Variants in DACH1 observed in about 807,000 individuals in gnomAD.
The protein encoded by DACH1 is dachshund homolog 1.
Under a neutral mutation model 54.2 loss-of-function variants are expected in DACH1, and 12 were observed. The observed-to-expected ratio is 0.22, with a 90% confidence interval of 0.14 to 0.36. The LOEUF (loss-of-function observed/expected upper bound fraction) is 0.36, where lower values mean the gene tolerates loss of function less well. DACH1 is among the 10% of genes least tolerant of loss of function. DACH1 has a pLI of 1.00. For synonymous variants in DACH1, 386 were observed against 366.2 expected (o/e 1.05, Z -0.62); for missense variants, 805 against 929.8 (o/e 0.87, Z 1.75).
Position 71,485,684 on chromosome 13 carries a change from G to C in DACH1, c.1722+3313C>G, listed in dbSNP as rs1203612443. On this transcript the variant is annotated intron_variant, in intron 7 of 10. Transcript: ENST00000613252. The stretch of plus-strand genomic sequence containing the variant: ...TGCAACCTCTGCCTCCCGGGTTCAA[G>C]TGATTCTCCAGCCTCAGCCTCCTGA... 2.1e-5 allele frequency among the ~76,000 whole-genome samples: 3 copies of C among 145,688 alleles called. No homozygotes were observed. In the Admixed American group the frequency reaches 2.1e-4, roughly 10 times the overall value.
chr13:71,774,921 G>A (rs932802831), intron 1 of DACH1, among the ~76,000 whole-genome samples: 2 of 151,790 alleles, frequency 1.3e-5, no homozygotes, highest in East Asian at 1.9e-4. Flanking sequence ...CAAACATATC[G>A]CTAGGCCAAA....
At chr13:71,783,235 T>C (rs1886457666) in intron 1 of DACH1, among the ~76,000 whole-genome samples, 1 of 152,100 alleles carries the variant, frequency 6.6e-6, no homozygotes. Flanking sequence ...TAGTGATGCC[T>C]TCATAAAACA....
intron 1 of DACH1, among the ~76,000 whole-genome samples, chr13:71,818,930 C>T (rs943750413): frequency 2.0e-5 from 3 of 152,270 alleles, no homozygotes; most frequent in East Asian, 3.9e-4. Flanking sequence ...CAGGAAGGGA[C>T]CTGAATCCAT....
intron 1 of DACH1, among the ~76,000 whole-genome samples, chr13:71,779,217 ACGT>A (rs1326559552): frequency 3.2e-5 from 3 of 92,460 alleles, no homozygotes; most frequent in Non-Finnish European, 6.2e-5. Context: ...GTATATATAT[ACGT>A]ATATACGTAT....
At chr13:71,683,363 C>A (rs1594093503) in intron 1 of DACH1, among the ~76,000 whole-genome samples, 1 of 152,106 alleles carries the variant, frequency 6.6e-6, no homozygotes, top group Middle Eastern at 3.4e-3. Flanking sequence ...CATTAGAAGA[C>A]AATTCTGAAG....
intron 1 of DACH1, among the ~76,000 whole-genome samples, chr13:71,703,555 C>A (rs759672242): frequency 2.0e-5 from 3 of 152,128 alleles, no homozygotes; most frequent in African/African-American, 4.8e-5. Flanking sequence ...GCACAAGATG[C>A]GTCATAAATA....
chr13:71,722,656 T>C (rs959906436), intron 1 of DACH1, among the ~76,000 whole-genome samples: 3 of 152,322 alleles, frequency 2.0e-5, no homozygotes, highest in Middle Eastern at 6.8e-3. Context: ...ACAATAGTTC[T>C]AAATATGTTG....
intron 3 of DACH1, among the ~76,000 whole-genome samples, chr13:71,626,781 T>C (rs1231493415): frequency 6.6e-6 from 1 of 151,988 alleles, no homozygotes; most frequent in African/African-American, 2.4e-5. Flanking sequence ...AAATCATAAA[T>C]CTATGGTGAT....
At position 71,489,095 on chromosome 13, in the gene DACH1, G is replaced by C. The variant is rs1311034485; in HGVS notation, c.1624C>G (p.Leu542Val). Residue 542 changes from leucine (L) to valine (V), a missense_variant, in exon 7 of 11, where the codon CTA (leucine) becomes GTA (valine). Leu to Val is a conservative substitution (Grantham distance 32, BLOSUM62 1). Transcript: ENST00000613252. ...TARDSLDKLS[L>V]TGHGQPLPPG... ...GGCAGTGGTTGTCCATGCCCAGTTAGAGAGAGTTTGTCAAGGCTGTCTCTT... is the reference window on the plus strand; with the variant it reads ...GGCAGTGGTTGTCCATGCCCAGTTACAGAGAGTTTGTCAAGGCTGTCTCTT... The C allele has an allele frequency of 1.9e-6, 3 of 1,613,708 alleles. No homozygotes were observed. Among genetic ancestry groups the C allele is most frequent in the Non-Finnish European group, 2.5e-6 (3 of 1,179,824 alleles).
At chr13:71,562,870 C>T (rs73215211) in intron 4 of DACH1, among the ~76,000 whole-genome samples, 2,370 of 152,156 alleles carry the variant, frequency 0.016, 24 homozygotes, top group Non-Finnish European at 0.025. Flanking sequence ...GTTAGCCACA[C>T]CATAATTCAA....
chr13:71,655,599 G>T (rs952314939), intron 2 of DACH1, among the ~76,000 whole-genome samples: 8 of 151,778 alleles, frequency 5.3e-5, no homozygotes, highest in Non-Finnish European at 2.9e-5. Flanking sequence ...TCGAACTCCC[G>T]ACCTCAGGTG....
intron 6 of DACH1, among the ~76,000 whole-genome samples, chr13:71,526,441 T>A (rs1352017657): frequency 6.6e-6 from 1 of 152,088 alleles, no homozygotes; most frequent in Admixed American, 6.6e-5. Context: ...AGTTGAAAAG[T>A]CATAAAGGAT....
At chr13:71,548,785 G>A (rs1353675725) in intron 6 of DACH1, among the ~76,000 whole-genome samples, 4 of 151,838 alleles carry the variant, frequency 2.6e-5, no homozygotes, top group Non-Finnish European at 4.4e-5. Context: ...GTGTGGTGGC[G>A]TGTGCTTGAA....
intron 5 of DACH1, among the ~76,000 whole-genome samples, chr13:71,559,464 T>C (rs2138381408): frequency 6.6e-6 from 1 of 152,280 alleles, no homozygotes; most frequent in Middle Eastern, 3.4e-3. Context: ...CAGAGTAGGA[T>C]TTGAGGAATG....
intron 6 of DACH1, among the ~76,000 whole-genome samples, chr13:71,552,786 G>T (rs1194179498): frequency 1.2e-4 from 5 of 40,706 alleles, no homozygotes; most frequent in African/African-American, 1.9e-4. Flanking sequence ...TATATATATG[G>T]ATGTGAATAT....
chr13:71,550,141 T>C (rs979806133), intron 6 of DACH1, among the ~76,000 whole-genome samples: 2 of 152,174 alleles, frequency 1.3e-5, no homozygotes, highest in African/African-American at 4.8e-5. Context: ...AAATAGATAA[T>C]ATTCTAATTC....
chr13:71,735,606 G>C (rs568543465), intron 1 of DACH1, among the ~76,000 whole-genome samples: 1 of 151,710 alleles, frequency 6.6e-6, no homozygotes, highest in African/African-American at 2.4e-5. Flanking sequence ...ACGTATATGG[G>C]ATATACGTGT....
At chr13:71,553,976 G>A (rs1211655528) in intron 6 of DACH1, among the ~76,000 whole-genome samples, 1 of 151,834 alleles carries the variant, frequency 6.6e-6, no homozygotes, top group East Asian at 1.9e-4. Context: ...GAATAATTTA[G>A]TTGGCAGGCA....
intron 3 of DACH1, among the ~76,000 whole-genome samples, chr13:71,593,002 G>A (rs1873844760): frequency 6.6e-6 from 1 of 152,134 alleles, no homozygotes; most frequent in Non-Finnish European, 1.5e-5. Flanking sequence ...AGCTGCCTCA[G>A]AGTACGGATT....
Sources: gnomAD v4.1 joint callset for allele counts (sites outside exome capture counted in the v4.1 genomes callset) on GRCh38, gnomAD v4.1.1 for gene constraint, MANE v1.5 for transcripts, NCBI Gene and HGNC (gene_info 2026-07-23, HGNC 2026-07-21) for gene names.